The following HERC4 variants were observed in gnomAD, a reference collection of about 807,000 sequenced individuals.
HERC4 encodes HECT and RLD domain containing E3 ubiquitin protein ligase 4.
Under a neutral mutation model 124.3 loss-of-function variants are expected in HERC4, and 28 were observed. The ratio of observed to expected loss-of-function variants is 0.23; its 90% CI spans 0.17 to 0.31. The LOEUF is 0.31. HERC4 is among the 10% of genes least tolerant of loss of function. HERC4 has a pLI of 1.00. For synonymous variants in HERC4, 407 were observed against 421.5 expected, an observed-to-expected ratio of 0.97 and a Z score of 0.42; for missense variants, 713 against 1,229.3, an observed-to-expected ratio of 0.58 and a Z score of 6.28.
intron 21 of HERC4, among the ~76,000 whole-genome samples, chr10:67,938,539 T>C (rs905781557): frequency 6.6e-6 from 1 of 152,228 alleles, no homozygotes; most frequent in Admixed American, 6.5e-5. Flanking sequence ...TGTTCCCTTC[T>C]GGAGTGCCTT....
chr10:68,041,857 C>T (rs994578435), intron 4 of HERC4, among the ~76,000 whole-genome samples: 1 of 152,082 alleles, frequency 6.6e-6, no homozygotes, highest in Non-Finnish European at 1.5e-5. Flanking sequence ...CAAAACAAAA[C>T]AAAATTAGAA....
At chr10:67,980,044 A>G (rs2035835877) in intron 15 of HERC4, among the ~76,000 whole-genome samples, 1 of 152,194 alleles carries the variant, frequency 6.6e-6, no homozygotes, top group African/African-American at 2.4e-5. Flanking sequence ...AGGCCAGGAG[A>G]GAATGGCATG....
chr10:67,932,059 G>A (rs906864793), intron 23 of HERC4, among the ~76,000 whole-genome samples: 1 of 152,150 alleles, frequency 6.6e-6, no homozygotes, highest in African/African-American at 2.4e-5. Context: ...CCAGGTTCAA[G>A]AGACTCTCCT....
intron 19 of HERC4, among the ~76,000 whole-genome samples, chr10:67,950,672 C>A (rs143815874): frequency 9.7e-4 from 147 of 152,260 alleles, no homozygotes; most frequent in African/African-American, 3.4e-3. Context: ...AGGAAGAAGG[C>A]TAGAGTAAAT....
chr10:67,927,866 T>A lies in HERC4; in HGVS notation c.2839-2679A>T, dbSNP rs545811630. Reference sequence around the variant, plus strand: ...GCAGTGAACAAAGAGGCAAAAATTCTGCCCTCATGGTGCTTACATTGTGGT... The same window carrying A: ...GCAGTGAACAAAGAGGCAAAAATTCAGCCCTCATGGTGCTTACATTGTGGT... On this transcript the variant is annotated intron_variant, in intron 23 of 24. Coordinates refer to ENST00000373700, the MANE Select transcript of HERC4 (RefSeq NM_015601.4). Among the ~76,000 whole-genome samples the A allele has an allele frequency of 3.9e-5, 6 of 152,294 alleles. No individual in the cohort carries two copies. The East Asian group carries it at 1.2e-3, about 29-fold the overall frequency.
rs772604811 is a variant in HERC4, at chr10:67,992,350, AG to A, written c.1147-28del. Reference sequence around the variant, plus strand: ...TAAATTTTCAAATAAGATTAGTCAGAGGGAAGAGATATTATATATAACTCAA... The same window carrying A: ...TAAATTTTCAAATAAGATTAGTCAGAGGAAGAGATATTATATATAACTCAA... On this transcript the variant is annotated intron_variant, in intron 10 of 24. Transcript: ENST00000373700. 6.2e-6 allele frequency: 10 copies of A among 1,609,664 alleles called. No homozygotes were observed. In the African/African-American group the frequency reaches 1.3e-4, roughly 22 times the overall value.
chr10:67,972,079 T>C (rs1157127937), intron 15 of HERC4, among the ~76,000 whole-genome samples: 3 of 151,242 alleles, frequency 2.0e-5, no homozygotes, highest in Non-Finnish European at 4.4e-5. Context: ...CTGAGTGTGG[T>C]GGTGGACACC....
chr10:68,052,307 A>G (rs899077720), intron 3 of HERC4, among the ~76,000 whole-genome samples: 2 of 152,192 alleles, frequency 1.3e-5, no homozygotes, highest in African/African-American at 4.8e-5. Context: ...TTTTGAAAAC[A>G]CTAATGGCGC....
intron 7 of HERC4, among the ~76,000 whole-genome samples, chr10:68,029,982 C>T (rs530832836): frequency 6.6e-6 from 1 of 151,752 alleles, no homozygotes; most frequent in African/African-American, 2.4e-5. Flanking sequence ...TCGTGATCTG[C>T]CTGCCTTGGC....
intron 23 of HERC4, among the ~76,000 whole-genome samples, chr10:67,926,286 T>C (rs928925057): frequency 6.6e-6 from 1 of 151,932 alleles, no homozygotes; most frequent in East Asian, 1.9e-4. Flanking sequence ...TCCCGGCTAC[T>C]TGGGGGAGGC....
intron 3 of HERC4, among the ~76,000 whole-genome samples, chr10:68,071,233 A>T (rs1248916848): frequency 6.6e-6 from 1 of 152,240 alleles, no homozygotes; most frequent in Non-Finnish European, 1.5e-5. Flanking sequence ...TGTCAACATG[A>T]CCACAAAGAA....
chr10:67,950,953 G>A (rs2132260231), intron 19 of HERC4, among the ~76,000 whole-genome samples: 1 of 152,226 alleles, frequency 6.6e-6, no homozygotes, highest in South Asian at 2.1e-4. Flanking sequence ...TGGCTGGGGT[G>A]GAGAAAACAC....
At position 67,932,780 on chromosome 10, in the gene HERC4, C is replaced by T; in HGVS notation, c.2655G>A (p.Arg885=). 6.3e-7 allele frequency: 1 copy of T among 1,586,666 alleles called. No individual in the cohort carries two copies. Among genetic ancestry groups the T allele is most frequent in the Non-Finnish European group, 8.5e-7 (1 of 1,173,466 alleles). ...CCACATAAGCATCGACAAACTCTTG[C>T]CTAGAAATGAAAAAGCACACATGTA... is the stretch of plus-strand genomic sequence containing the variant. ...GADTAVNKQN[R]QEFVDAYVDY... The change falls in exon 23 of 25, where the codon CGG becomes CGA. Residue 885 remains arginine, a splice_region_variant and synonymous_variant. Coordinates refer to ENST00000373700, the MANE Select transcript of HERC4 (RefSeq NM_015601.4).
At chr10:68,057,147 A>G (rs934333274) in intron 3 of HERC4, among the ~76,000 whole-genome samples, 2 of 152,190 alleles carry the variant, frequency 1.3e-5, no homozygotes, top group African/African-American at 2.4e-5. Flanking sequence ...CTTGACATAT[A>G]AATTTCTCTC....
intron 7 of HERC4, 119 bp downstream of exon 7, chr10:68,032,659 A>G (rs1303771269): frequency 1.7e-6 from 1 of 576,450 alleles, no homozygotes; most frequent in Non-Finnish European, 3.2e-6. Context: ...TCCCAGATAA[A>G]TTATTTTTGA....
chr10:67,937,309 T>A (rs2032450215), intron 21 of HERC4, among the ~76,000 whole-genome samples: 1 of 152,172 alleles, frequency 6.6e-6, no homozygotes, highest in Admixed American at 6.5e-5. Flanking sequence ...TTTAAAAATG[T>A]CTTTGACACC....
At chr10:67,966,902 T>TG in intron 15 of HERC4, 100 bp from the exon 16 acceptor site, 1 of 789,690 alleles carries the variant, frequency 1.3e-6, no homozygotes, top group Non-Finnish European at 1.8e-6. Context: ...TCAACCAGGC[T>TG]GGAGTGCAGT....
intron 3 of HERC4, chr10:68,068,486 CAAA>C (rs34779824): frequency 3.2e-4 from 23 of 71,092 alleles, no homozygotes; most frequent in East Asian, 1.2e-3. Context: ...GACTCCGTTT[CAAA>C]AAAAAAAAAA....
At chr10:67,992,526 T>C (rs2036608059) in intron 10 of HERC4, 80 bp downstream of exon 10, 2 of 1,058,570 alleles carry the variant, frequency 1.9e-6, no homozygotes, top group Non-Finnish European at 1.4e-6. Flanking sequence ...TTGTAACATA[T>C]AAAGAACATT....
Sources: gnomAD v4.1 joint callset for allele counts (sites outside exome capture counted in the v4.1 genomes callset) on GRCh38, gnomAD v4.1.1 for gene constraint, MANE v1.5 for transcripts, NCBI Gene and HGNC (gene_info 2026-07-23, HGNC 2026-07-21) for gene names.